GLUD1: variants seen among roughly 807,000 people sequenced by gnomAD.
The protein encoded by GLUD1 is glutamate dehydrogenase 1, also known as glutamate dehydrogenase 1, mitochondrial.
A neutral mutation model predicts 56.0 loss-of-function variants in GLUD1; 22 were observed. The ratio of observed to expected loss-of-function variants is 0.39; its 90% confidence interval spans 0.28 to 0.56. The LOEUF is 0.56. Ranked by LOEUF, GLUD1 falls within the 20% of genes least tolerant of loss-of-function variation. GLUD1 has a pLI of 0.58. For missense variants in GLUD1, 451 were observed against 732.0 expected (o/e 0.62, Z 4.43); for synonymous variants, 223 against 269.9 (o/e 0.83, Z 1.70).
rs920274782 is a variant in GLUD1 at position 87,067,630 on chromosome 10, T to C, written c.741+433A>G. 6 of 193,562 alleles carry C rather than the reference T, an allele frequency of 3.1e-5. No homozygotes were observed. The East Asian group carries it at 7.3e-4, about 23-fold the overall frequency. 12.0% of individuals were successfully genotyped at this position (193,562 alleles called of 1,614,324 possible). On this transcript the variant is annotated intron_variant, in intron 5 of 12. Coordinates refer to ENST00000277865, the MANE Select transcript of GLUD1 (RefSeq NM_005271.5). ...TCCTCCAAATCTCTAAATGTTCATA[T>C]TCTACCCATTTTCAAGGTCTAGCCC...
intron 1 of GLUD1, chr10:87,089,528 G>T: frequency 4.2e-6 from 3 of 721,574 alleles, no homozygotes; most frequent in Non-Finnish European, 5.1e-6. Flanking sequence ...CACACACAGA[G>T]CTGAATAAAT....
At chr10:87,091,199 G>T (rs983472687) in intron 1 of GLUD1, among the ~76,000 whole-genome samples, 1 of 151,572 alleles carries the variant, frequency 6.6e-6, no homozygotes, top group South Asian at 2.1e-4. Flanking sequence ...TATGATAGTA[G>T]CATCAGTGAT....
Position 87,051,841 on chromosome 10 carries a change from G to GT in GLUD1, c.1586dup (p.Asn529LysfsTer13). The GT allele has an allele frequency of 6.2e-7, 1 of 1,614,064 alleles. No individual in the cohort carries two copies. The highest frequency in any genetic ancestry group is 8.5e-7 in the Non-Finnish European group (1 of 1,179,964). On this transcript the variant is annotated frameshift_variant, in exon 13 of 13. Coordinates refer to ENST00000277865, the MANE Select transcript of GLUD1 (RefSeq NM_005271.5). LOFTEE classifies it high-confidence loss of function. ...CAGCTGTTCTCAGGTCCAATCCCAG[G>GT]TTATACTTCATGGCTGTGCGCATAA...
rs1454297487 is a variant in GLUD1 at position 87,060,895 on chromosome 10, C to A, written c.1059+20G>T. On this transcript the variant is annotated intron_variant, in intron 7 of 12. Coordinates refer to ENST00000277865, the MANE Select transcript of GLUD1 (RefSeq NM_005271.5). ...TAAATATTTATATTTAGTGTCTATG[C>A]TATAAAAATGTATTAATACCAATTT... The A allele has an allele frequency of 6.2e-7, 1 of 1,613,650 alleles. No individual in the cohort carries two copies. Among genetic ancestry groups the A allele is most frequent in the Admixed American group, 1.7e-5 (1 of 60,012 alleles).
At chr10:87,060,103 G>T in intron 9 of GLUD1, 58 bp downstream of exon 9, 1 of 1,093,064 alleles carries the variant, frequency 9.1e-7, no homozygotes, top group Non-Finnish European at 1.4e-6. Context: ...CAAATTCCTT[G>T]CAAAAGACTA....
rs73337639 is a variant in GLUD1 at position 87,055,803 on chromosome 10, C to G, written c.1494+1888G>C. ...ATATAGTCTCAGAACTGTTTTCCATCACTGAATATTTCATAAGGAGATATA... is the reference window on the plus strand; with the variant it reads ...ATATAGTCTCAGAACTGTTTTCCATGACTGAATATTTCATAAGGAGATATA... On this transcript the variant is annotated intron_variant, in intron 11 of 12. Transcript: ENST00000277865. 3.1e-3 allele frequency among the ~76,000 whole-genome samples: 465 copies of G among 152,214 alleles called. 3 individuals are homozygous for G. The highest frequency in any genetic ancestry group is 0.011 in the African/African-American group (446 of 41,544).
At chr10:87,071,186 GT>G (rs957776804) in intron 4 of GLUD1, among the ~76,000 whole-genome samples, 6 of 150,554 alleles carry the variant, frequency 4.0e-5, no homozygotes, top group Non-Finnish European at 7.4e-5. Flanking sequence ...TATTCTTTTT[GT>G]TTTTTTTTAA....
In GLUD1 at chr10:87,060,247, A is replaced by G. The variant is rs1415334667; in HGVS notation, c.1198-6T>C. 26 of 1,594,518 alleles carry G rather than the reference A, an allele frequency of 1.6e-5. No homozygotes were observed. The highest frequency in any genetic ancestry group is 2.2e-5 in the Non-Finnish European group (25 of 1,162,086). Reference sequence around the variant, plus strand: ...TTGGCACCTTCAGCAATGATCTGCAAGAGAGTCAGGAACATAGAGAAATGC... The same window carrying G: ...TTGGCACCTTCAGCAATGATCTGCAGGAGAGTCAGGAACATAGAGAAATGC... On this transcript the variant is annotated splice_region_variant and splice_polypyrimidine_tract_variant and intron_variant, in intron 8 of 12. Coordinates refer to ENST00000277865, the MANE Select transcript of GLUD1 (RefSeq NM_005271.5).
intron 1 of GLUD1, among the ~76,000 whole-genome samples, chr10:87,084,206 TA>T (rs1841330749): frequency 6.6e-6 from 1 of 152,246 alleles, no homozygotes; most frequent in Admixed American, 6.5e-5. Flanking sequence ...TGGGAACTTT[TA>T]AATCATTCCT....
At chr10:87,071,714 C>T (rs370808207) in intron 4 of GLUD1, among the ~76,000 whole-genome samples, 36 of 152,152 alleles carry the variant, frequency 2.4e-4, no homozygotes, top group East Asian at 1.9e-3. Flanking sequence ...AAAGCTTTTC[C>T]AAAAGCAGAA....
At chr10:87,091,138 C>G (rs1333830456) in intron 1 of GLUD1, among the ~76,000 whole-genome samples, 1 of 152,064 alleles carries the variant, frequency 6.6e-6, no homozygotes, top group Non-Finnish European at 1.5e-5. Flanking sequence ...TGAGAGAACT[C>G]CATCTACGGT....
intron 11 of GLUD1, among the ~76,000 whole-genome samples, chr10:87,057,291 GTTTC>G (rs770984409): frequency 3.9e-5 from 6 of 152,080 alleles, no homozygotes; most frequent in East Asian, 1.9e-4. Context: ...CTGGCCTCTT[GTTTC>G]TTTCTTTATT....
chr10:87,088,171 GTT>G (rs994726486), intron 1 of GLUD1, among the ~76,000 whole-genome samples: 15 of 144,044 alleles, frequency 1.0e-4, no homozygotes, highest in African/African-American at 3.7e-4. Context: ...GATTTACTTT[GTT>G]TTGTTTTTTT....
At position 87,050,817 on chromosome 10, in the gene GLUD1, G is replaced by A. The variant is rs1197335597; in HGVS notation, c.*934C>T. ...CAGAGCCAGCCAGACTCCAAACAGG[G>A]AGCCCAAGTGGTTTTTTTCTGGGAC... On this transcript the variant is annotated 3_prime_UTR_variant, in exon 13 of 13. Coordinates refer to ENST00000277865, the MANE Select transcript of GLUD1 (RefSeq NM_005271.5). 5.3e-5 allele frequency: 8 copies of A among 152,194 alleles called. No homozygotes were observed. Among genetic ancestry groups the A allele is most frequent in the Non-Finnish European group, 5.9e-5 (4 of 68,030 alleles). The allele number at this position is 152,194 out of a possible 1,614,324, so 9.4% of individuals were successfully genotyped here.
intron 1 of GLUD1, among the ~76,000 whole-genome samples, chr10:87,077,623 C>G (rs1923938): frequency 0.21 from 31,936 of 150,346 alleles, 4,155 homozygotes; most frequent in East Asian, 0.66. Flanking sequence ...AGTGGGGATG[C>G]CCACAGCTTT....
chr10:87,078,121 C>G (rs1298167059), intron 1 of GLUD1, among the ~76,000 whole-genome samples: 3 of 152,102 alleles, frequency 2.0e-5, no homozygotes, highest in Non-Finnish European at 2.9e-5. Context: ...ATATTCTAAG[C>G]TGAACATACT....
rs1845601075 is a variant in GLUD1 at position 87,050,402 on chromosome 10, A to C, written c.*1349T>G. On this transcript the variant is annotated 3_prime_UTR_variant, in exon 13 of 13. Coordinates refer to ENST00000277865, the MANE Select transcript of GLUD1 (RefSeq NM_005271.5). The stretch of plus-strand genomic sequence containing the variant: ...GAAATGTTATACAGGTGGTCGCTAT[A>C]AACATTTCAGAAATCCAATTGCAGT... The C allele has an allele frequency of 6.6e-6, 1 of 152,164 alleles. No homozygotes were observed. The highest frequency in any genetic ancestry group is 1.5e-5 in the Non-Finnish European group (1 of 68,020). 9.4% of individuals were successfully genotyped at this position (152,164 alleles called of 1,614,324 possible).
chr10:87,060,585 A>G lies in GLUD1; in HGVS notation c.1197+103T>C. The G allele has an allele frequency of 2.9e-6, 4 of 1,389,184 alleles. No homozygotes were observed. The South Asian group carries it at 4.6e-5, about 16-fold the overall frequency. The allele number at this position is 1,389,184 out of a possible 1,614,324, so 86.1% of individuals were successfully genotyped here. A position where few individuals can be genotyped will look rare whatever the true frequency, so the allele number is the denominator to read the frequency against. On this transcript the variant is annotated intron_variant, in intron 8 of 12. Transcript: ENST00000277865. ...TATGGTATGTGCAGTATGTGCCAAT[A>G]AAGCTGCTAAAAAGAAAGAGAAAAC...
At chr10:87,077,129 G>A (rs1846420077) in intron 1 of GLUD1, among the ~76,000 whole-genome samples, 1 of 152,054 alleles carries the variant, frequency 6.6e-6, no homozygotes, top group Non-Finnish European at 1.5e-5. Flanking sequence ...TCCCACCTCA[G>A]CCTCCTGAGT....
Sources: gnomAD v4.1 joint callset for allele counts (sites outside exome capture counted in the v4.1 genomes callset) on GRCh38, gnomAD v4.1.1 for gene constraint, MANE v1.5 for transcripts, NCBI Gene and HGNC (gene_info 2026-07-23, HGNC 2026-07-21) for gene names.